Variants in DMXL1 observed in about 807,000 individuals in gnomAD.
The protein encoded by DMXL1 is Dmx like 1, also known as dmX-like protein 1.
DMXL1 carries 99 observed loss-of-function variants against 319.2 expected under a neutral mutation model. The ratio of observed to expected loss-of-function variants is 0.31; its 90% CI spans 0.26 to 0.37. The LOEUF is 0.37. Ranked by LOEUF, DMXL1 falls within the 10% of genes least tolerant of loss-of-function variation. The pLI, the probability that DMXL1 is intolerant of heterozygous loss-of-function variation, is 1.00. For synonymous variants in DMXL1, 1,385 were observed against 1,235.2 expected (o/e 1.12, Z -2.54); for missense variants, 3,745 against 3,595.6 (o/e 1.04, Z -1.06).
rs144583689 is a variant in DMXL1 at position 119,152,034 on chromosome 5, A to C, written c.4700A>C (p.Gln1567Pro). The change falls in exon 19 of 44, where the codon CAA becomes CCA. Residue 1567 changes from glutamine to proline, a missense_variant and splice_region_variant. Physicochemically the swap from Gln to Pro is moderately conservative, Grantham distance 76. Coordinates refer to ENST00000539542, the MANE Select transcript of DMXL1 (RefSeq NM_001290321.3). ...LPAYRAQLLHQGLSTSHFAWA... is the reference protein window; with the variant it reads ...LPAYRAQLLHPGLSTSHFAWA... The stretch of plus-strand genomic sequence containing the variant: ...GCCTATCGAGCTCAACTCCTTCACC[A>C]AGGTGATTTTGATAGTAATCTATTA... The C allele has an allele frequency of 4.9e-5, 79 of 1,604,164 alleles. No homozygotes were observed. The African/African-American group carries it at 8.7e-4, about 18-fold the overall frequency.
intron 1 of DMXL1, among the ~76,000 whole-genome samples, chr5:119,075,969 GCATA>G (rs1750752986): frequency 6.6e-6 from 1 of 152,114 alleles, no homozygotes; most frequent in Non-Finnish European, 1.5e-5. Flanking sequence ...CTACTTTTAT[GCATA>G]CTATTGATAT....
In DMXL1 at chr5:119,133,714, T is replaced by G. The variant is rs1765415475; in HGVS notation, c.1790T>G (p.Val597Gly). 1 of 1,614,216 alleles carries G rather than the reference T, an allele frequency of 6.2e-7. No homozygotes were observed. The highest frequency in any genetic ancestry group is 1.3e-5 in the African/African-American group (1 of 75,064). The change falls in exon 12 of 44, where the codon GTT becomes GGT. Residue 597 changes from valine to glycine, a missense_variant. Physicochemically the swap from Val to Gly is moderately radical, Grantham distance 109 (BLOSUM62 -3). Coordinates refer to ENST00000539542, the MANE Select transcript of DMXL1 (RefSeq NM_001290321.3). Reference protein sequence around the residue: ...SLKLSIFTPNVMMISKHADGS... With the variant: ...SLKLSIFTPNGMMISKHADGS... The stretch of plus-strand genomic sequence containing the variant: ...AAATTAAGTATTTTTACGCCTAATG[T>G]TATGATGATATCAAAACATGCTGAT...
intron 25 of DMXL1, among the ~76,000 whole-genome samples, chr5:119,172,907 GTATAAAT>G (rs1437174941): frequency 2.9e-4 from 44 of 152,170 alleles, no homozygotes; most frequent in Non-Finnish European, 1.3e-4. Flanking sequence ...CTGCTCTGTA[GTATAAAT>G]GCCCATAGTG....
chr5:119,147,719 A>C (rs1470921440), intron 17 of DMXL1: 1 of 387,638 alleles, frequency 2.6e-6, no homozygotes, highest in Non-Finnish European at 4.6e-6. Context: ...TGGGAAGACA[A>C]AGGGACAGTT....
intron 29 of DMXL1, among the ~76,000 whole-genome samples, chr5:119,190,658 G>T (rs574264448): frequency 3.3e-5 from 5 of 152,304 alleles, no homozygotes; most frequent in African/African-American, 1.2e-4. Context: ...GAACATAAAT[G>T]AAGTTAGAGA....
rs1016908780 is a variant in DMXL1, at chr5:119,071,759, C to G, written c.87+103C>G. The G allele has an allele frequency of 2.7e-6, 3 of 1,091,102 alleles. No individual in the cohort carries two copies. In the African/African-American group the frequency reaches 4.9e-5, roughly 18 times the overall value. 67.6% of individuals were successfully genotyped at this position (1,091,102 alleles called of 1,614,324 possible). A position where few individuals can be genotyped will look rare whatever the true frequency, so the allele number is the denominator to read the frequency against. ...CGGGCAGAGGCGCGAGGTCTTGTCT[C>G]CCCAGGGGGGTCCTTACCACCCAGA... On this transcript the variant is annotated intron_variant, in intron 1 of 43. Transcript: ENST00000539542.
At chr5:119,196,063 C>A (rs1779563684) in intron 30 of DMXL1, among the ~76,000 whole-genome samples, 1 of 152,118 alleles carries the variant, frequency 6.6e-6, no homozygotes, top group African/African-American at 2.4e-5. Flanking sequence ...TTACTACATA[C>A]CGAAACTGAC....
rs1769335342 is a variant in DMXL1 at position 119,149,660 on chromosome 5, C to G, written c.3833C>G (p.Pro1278Arg). Reference sequence around the variant, plus strand: ...AACTCCAGTTCTGGGTTACATCCTCCAAAGAAAACTCTGACTCGATCCATG... The same window carrying G: ...AACTCCAGTTCTGGGTTACATCCTCGAAAGAAAACTCTGACTCGATCCATG... ...QSNSSSGLHP[P>R]KKTLTRSMTS... The change falls in exon 18 of 44, where the codon CCA (proline) becomes CGA (arginine). Residue 1278 changes from proline (P) to arginine (R), a missense_variant. Physicochemically the swap from Pro to Arg is moderately radical, Grantham distance 103. Around this residue, in one of 4 missense-constraint regions of DMXL1, gnomAD observed 2,096 missense variants for 1,985.4 expected, o/e 1.06. Transcript: ENST00000539542. The G allele has an allele frequency of 6.2e-7, 1 of 1,613,904 alleles. No homozygotes were observed. The highest frequency in any genetic ancestry group is 8.5e-7 in the Non-Finnish European group (1 of 1,179,924).
At chr5:119,232,234 A>G (rs1420565868) in intron 38 of DMXL1, among the ~76,000 whole-genome samples, 1 of 152,212 alleles carries the variant, frequency 6.6e-6, no homozygotes, top group Non-Finnish European at 1.5e-5. Context: ...TAAGCTATGC[A>G]AGCGCATTGG....
chr5:119,168,015 C>A, intron 23 of DMXL1, 151 bp downstream of exon 23: 1 of 648,582 alleles, frequency 1.5e-6, no homozygotes, highest in Non-Finnish European at 2.4e-6. Flanking sequence ...GTTTTTTTCT[C>A]CAGAAAGATA....
intron 3 of DMXL1, among the ~76,000 whole-genome samples, chr5:119,102,457 C>A (rs1046464143): frequency 6.6e-6 from 1 of 152,138 alleles, no homozygotes; most frequent in Non-Finnish European, 1.5e-5. Context: ...TCTTTATAAG[C>A]AAGCTGTACT....
In DMXL1 at chr5:119,183,591, G is replaced by A. The variant is rs1432176402; in HGVS notation, c.7135+5347G>A. Among the ~76,000 whole-genome samples, 3 of 151,900 alleles carry A rather than the reference G, an allele frequency of 2.0e-5. No individual in the cohort carries two copies. The East Asian group carries it at 5.8e-4, about 29-fold the overall frequency. ...AGGTTCAAGTGATTCTCCCACCTCA[G>A]CCTCCCAAGTAGCTGGGATTACAGG... On this transcript the variant is annotated intron_variant, in intron 28 of 43. Coordinates refer to ENST00000539542, the MANE Select transcript of DMXL1 (RefSeq NM_001290321.3).
intron 7 of DMXL1, 83 bp downstream of exon 7, chr5:119,116,419 C>A (rs1760858262): frequency 7.1e-7 from 1 of 1,410,560 alleles, no homozygotes; most frequent in Non-Finnish European, 9.8e-7. Context: ...TTTTGAGAGT[C>A]CATAGTTACA....
chr5:119,102,832 T>G (rs2149804692), intron 3 of DMXL1, among the ~76,000 whole-genome samples: 1 of 152,236 alleles, frequency 6.6e-6, no homozygotes, highest in Admixed American at 6.5e-5. Flanking sequence ...TGAAAGAAGA[T>G]AAGTGTAGTG....
chr5:119,213,374 G>A (rs2150531051), intron 34 of DMXL1, among the ~76,000 whole-genome samples: 1 of 152,122 alleles, frequency 6.6e-6, no homozygotes, highest in Admixed American at 6.6e-5. Context: ...TTTCACTTGT[G>A]CACAGTTCTT....
intron 38 of DMXL1, among the ~76,000 whole-genome samples, chr5:119,233,055 A>G (rs1394708544): frequency 2.0e-5 from 3 of 151,920 alleles, no homozygotes; most frequent in African/African-American, 4.8e-5. Context: ...AAAAAATAAA[A>G]GGCTGTTAAG....
intron 1 of DMXL1, among the ~76,000 whole-genome samples, chr5:119,090,887 G>A (rs1169669274): frequency 6.6e-6 from 1 of 151,630 alleles, no homozygotes; most frequent in Non-Finnish European, 1.5e-5. Context: ...TTTTTAAATA[G>A]CCTGTCTTTG....
chr5:119,148,694 T>A (rs761604219), intron 17 of DMXL1, 45 bp from the exon 18 acceptor site: 1 of 1,558,286 alleles, frequency 6.4e-7, no homozygotes, highest in Non-Finnish European at 8.7e-7. Context: ...AACAGAAGTA[T>A]TTAACCAAAT....
intron 3 of DMXL1, 87 bp downstream of exon 3, chr5:119,102,093 C>T (rs1428156140): frequency 1.4e-5 from 11 of 808,230 alleles, no homozygotes; most frequent in South Asian, 3.3e-5. Flanking sequence ...TTGAGTAAAT[C>T]GGTATTACTT....
Sources: gnomAD v4.1 joint callset for allele counts (sites outside exome capture counted in the v4.1 genomes callset) on GRCh38, gnomAD v4.1.1 for gene constraint, gnomAD v4.1.1 regional missense constraint, MANE v1.5 for transcripts, NCBI Gene and HGNC (gene_info 2026-07-23, HGNC 2026-07-21) for gene names.